The following CSMD2 variants were observed in gnomAD, a reference collection of about 807,000 sequenced individuals.
The protein encoded by CSMD2 is CUB and sushi domain-containing protein 2.
A neutral mutation model predicts 398.5 loss-of-function variants in CSMD2; 130 were observed. The ratio of observed to expected loss-of-function variants is 0.33; its 90% CI spans 0.28 to 0.38. CSMD2 has a LOEUF of 0.38. Ranked by LOEUF, CSMD2 falls within the 10% of genes least tolerant of loss-of-function variation. CSMD2 has a pLI of 1.00. For missense variants in CSMD2, 3,829 were observed against 4,764.9 expected (o/e 0.80, Z 5.78); for synonymous variants, 1,828 against 1,908.5 (o/e 0.96, Z 1.10).
In CSMD2 at chr1:33,931,905, C is replaced by A. The variant is rs183954256; in HGVS notation, c.712+3855G>T. ...TGGTGTGAGCAGGAGAGAACTGGGG[C>A]ACACCTGCCTACAGAGGGTCAACCT... On this transcript the variant is annotated intron_variant, in intron 4 of 70. Coordinates refer to ENST00000373381, the MANE Select transcript of CSMD2 (RefSeq NM_001281956.2). 1.2e-3 allele frequency among the ~76,000 whole-genome samples: 183 copies of A among 152,286 alleles called. 4 individuals are homozygous for A. The East Asian group carries it at 0.025, about 21-fold the overall frequency.
chr1:33,977,934 G>A (rs960820578), intron 3 of CSMD2, among the ~76,000 whole-genome samples: 3 of 151,994 alleles, frequency 2.0e-5, no homozygotes, highest in Admixed American at 6.6e-5. Flanking sequence ...GGTCCCGGTC[G>A]GGGCTGACAC....
intron 70 of CSMD2, among the ~76,000 whole-genome samples, chr1:33,517,525 T>G (rs1413258231): frequency 6.6e-6 from 1 of 152,244 alleles, no homozygotes; most frequent in African/African-American, 2.4e-5. Context: ...AAGCCCCGAT[T>G]TACATCATCA....
At chr1:33,862,023 C>T (rs1303315437) in intron 5 of CSMD2, among the ~76,000 whole-genome samples, 1 of 152,154 alleles carries the variant, frequency 6.6e-6, no homozygotes, top group African/African-American at 2.4e-5. Context: ...TACAGACCAG[C>T]TTCCCAGGCC....
chr1:33,868,384 G>A (rs140887808), intron 5 of CSMD2, among the ~76,000 whole-genome samples: 1 of 152,276 alleles, frequency 6.6e-6, no homozygotes, highest in African/African-American at 2.4e-5. Context: ...TTCTGGTGCT[G>A]GGAATACAAC....
chr1:33,921,272 T>C (rs1194025181), intron 4 of CSMD2, among the ~76,000 whole-genome samples: 12 of 152,222 alleles, frequency 7.9e-5, no homozygotes, highest in Admixed American at 7.8e-4. Flanking sequence ...ATTTGTTTTA[T>C]CAAGTTGCAC....
chr1:33,606,039 T>A (rs1401594197), intron 41 of CSMD2: 2 of 1,573,304 alleles, frequency 1.3e-6, no homozygotes, highest in Non-Finnish European at 1.7e-6. Context: ...CTAAGGGACG[T>A]GTGGCTGTCA....
intron 2 of CSMD2, among the ~76,000 whole-genome samples, chr1:34,048,333 G>A (rs1028071943): frequency 1.3e-5 from 2 of 152,214 alleles, no homozygotes; most frequent in Non-Finnish European, 2.9e-5. Flanking sequence ...AGCCCTTAAA[G>A]TTTGGACCAC....
chr1:33,751,416 T>A (rs552755075), intron 13 of CSMD2, among the ~76,000 whole-genome samples: 14 of 152,260 alleles, frequency 9.2e-5, no homozygotes, highest in Admixed American at 2.6e-4. Context: ...CCACTGGGTT[T>A]CAGCAACATG....
intron 31 of CSMD2, among the ~76,000 whole-genome samples, chr1:33,634,487 G>T (rs951449172): frequency 2.0e-5 from 3 of 152,144 alleles, no homozygotes; most frequent in African/African-American, 7.2e-5. Flanking sequence ...AACATCAATT[G>T]TGTTTAGATA....
intron 15 of CSMD2, among the ~76,000 whole-genome samples, chr1:33,735,506 C>T (rs1200067852): frequency 2.0e-5 from 3 of 152,202 alleles, no homozygotes; most frequent in Non-Finnish European, 4.4e-5. Context: ...GTCCTGTGAA[C>T]TCAAGATCAC....
At chr1:33,551,951 A>G (rs1210565824) in intron 55 of CSMD2, among the ~76,000 whole-genome samples, 1 of 152,290 alleles carries the variant, frequency 6.6e-6, no homozygotes, top group Middle Eastern at 3.4e-3. Context: ...GACAATCACA[A>G]TGCCCCAGCT....
chr1:33,616,803 A>C (rs1641420300), intron 39 of CSMD2, 103 bp downstream of exon 39: 1 of 873,948 alleles, frequency 1.1e-6, no homozygotes, highest in Non-Finnish European at 1.9e-6. Flanking sequence ...CCAGAATATC[A>C]AACTTTCTTC....
intron 2 of CSMD2, among the ~76,000 whole-genome samples, chr1:34,064,914 C>T (rs1654942146): frequency 6.6e-6 from 1 of 152,090 alleles, no homozygotes; most frequent in East Asian, 1.9e-4. Flanking sequence ...GAGGAAGATG[C>T]AAAAGCGGAA....
rs1207829694 is a variant in CSMD2 at position 33,633,262 on chromosome 1, A to G, written c.5200+160T>C. ...GGCCCCGCTAGTTGGAGCTCTCACG[A>G]GCTGGCTGCTGCGTTGTAGACAAGC... On this transcript the variant is annotated intron_variant, in intron 32 of 70. Transcript: ENST00000373381. This position sits in a 1 kb window ranked among gnomAD's most constrained non-coding sequence, Gnocchi z 5.0. Among the ~76,000 whole-genome samples, 2 of 152,148 alleles carry G rather than the reference A, an allele frequency of 1.3e-5. No homozygotes were observed. The highest frequency in any genetic ancestry group is 2.9e-5 in the Non-Finnish European group (2 of 68,024).
intron 4 of CSMD2, among the ~76,000 whole-genome samples, chr1:33,919,119 T>C (rs1248917244): frequency 6.6e-6 from 1 of 152,160 alleles, no homozygotes; most frequent in Non-Finnish European, 1.5e-5. Context: ...TGAGGCTGGA[T>C]GAGATCGAGC....
chr1:34,025,430 A>C (rs1570856224), intron 3 of CSMD2, among the ~76,000 whole-genome samples: 1 of 152,200 alleles, frequency 6.6e-6, no homozygotes. Context: ...TATTAGCTCA[A>C]TGAACGAAGA....
At chr1:33,842,964 A>C (rs1204363605) in intron 6 of CSMD2, among the ~76,000 whole-genome samples, 1 of 152,154 alleles carries the variant, frequency 6.6e-6, no homozygotes, top group Admixed American at 6.5e-5. Context: ...TCTGTCTGGC[A>C]TCTTTCTGAG....
chr1:34,123,069 TC>T (rs1437080921), intron 1 of CSMD2, among the ~76,000 whole-genome samples: 1 of 152,168 alleles, frequency 6.6e-6, no homozygotes, highest in Non-Finnish European at 1.5e-5. Flanking sequence ...AGTTCCTAAC[TC>T]CTAAAATCCT....
chr1:33,572,262 G>T (rs1466824257), intron 50 of CSMD2, among the ~76,000 whole-genome samples: 1 of 152,156 alleles, frequency 6.6e-6, no homozygotes, highest in East Asian at 1.9e-4. Flanking sequence ...ATCTAAAAGG[G>T]AGTGGACCAG....
Sources: gnomAD v4.1 joint callset for allele counts (sites outside exome capture counted in the v4.1 genomes callset) on GRCh38, gnomAD v4.1.1 for gene constraint, Gnocchi (gnomAD v3.1) non-coding constraint, MANE v1.5 for transcripts, NCBI Gene and HGNC (gene_info 2026-07-23, HGNC 2026-07-21) for gene names.